Variants in FCMR observed in about 807,000 individuals in gnomAD.
The protein encoded by FCMR is immunoglobulin mu Fc receptor.
In FCMR, 34 loss-of-function variants were observed where a neutral mutation model predicts 41.6. The ratio of observed to expected loss-of-function variants is 0.82; its 90% confidence interval spans 0.62 to 1.09. The LOEUF is 1.09. Ranked by LOEUF, FCMR falls within the 50% of genes least tolerant of loss-of-function variation. The probability of loss-of-function intolerance (pLI) is 0.00; values close to 1 mark genes in which losing one functional copy is unlikely to be tolerated. For synonymous variants in FCMR, 209 were observed against 211.8 expected, an observed-to-expected ratio of 0.99 and a Z score of 0.12; for missense variants, 496 against 512.5, an observed-to-expected ratio of 0.97 and a Z score of 0.31.
chr1:206,913,137 G>A, intron 2 of FCMR, 95 bp from the exon 3 acceptor site: 1 of 902,362 alleles, frequency 1.1e-6, no homozygotes, highest in South Asian at 1.3e-5. Flanking sequence ...GGATGACAGT[G>A]AGGGGATGAG....
chr1:206,907,498 T>C (rs1420681094), intron 7 of FCMR: 2 of 420,458 alleles, frequency 4.8e-6, no homozygotes, highest in African/African-American at 2.0e-5. Context: ...TCTGAGCCTT[T>C]ATTTGGGGAG....
chr1:206,908,759 TA>T (rs374462005), intron 7 of FCMR, among the ~76,000 whole-genome samples: 1 of 152,106 alleles, frequency 6.6e-6, no homozygotes, highest in Non-Finnish European at 1.5e-5. Context: ...CACACCCTTT[TA>T]AAAAAAGCTT....
intron 1 of FCMR, among the ~76,000 whole-genome samples, chr1:206,918,469 A>G (rs935963587): frequency 2.6e-5 from 4 of 152,138 alleles, no homozygotes; most frequent in Non-Finnish European, 5.9e-5. Flanking sequence ...ACTTGCTCTG[A>G]CATCTCCACG....
chr1:206,919,950 A>C (rs2102580615), intron 1 of FCMR, among the ~76,000 whole-genome samples: 1 of 152,350 alleles, frequency 6.6e-6, no homozygotes, highest in East Asian at 1.9e-4. Flanking sequence ...CTTAACAAAT[A>C]TCTGAGTTTC....
rs764236133 is a variant in FCMR, at chr1:206,914,015, A to C, written c.117T>G (p.Leu39=). The C allele has an allele frequency of 1.9e-6, 3 of 1,614,042 alleles. No homozygotes were observed. The African/African-American group carries it at 4.0e-5, about 22-fold the overall frequency. The change falls in exon 2 of 8, where the codon CTT becomes CTG. Residue 39 remains leucine (L), a synonymous_variant. Transcript: ENST00000367091. ...LGGSVTIKCP[L]PEMHVRIYLC... ...GATATATCCTCACATGCATTTCAGG[A>C]AGTGGGCACTTGATGGTAACTGATC... is the stretch of plus-strand genomic sequence containing the variant.
intron 4 of FCMR, among the ~76,000 whole-genome samples, chr1:206,911,277 G>T (rs1678931404): frequency 6.6e-6 from 1 of 150,944 alleles, no homozygotes; most frequent in Non-Finnish European, 1.5e-5. Context: ...CTTCCCCCTA[G>T]TGGTATATTG....
chr1:206,906,586 A>G (rs530460832), intron 7 of FCMR, among the ~76,000 whole-genome samples: 35 of 152,326 alleles, frequency 2.3e-4, no homozygotes, highest in African/African-American at 2.9e-4. Flanking sequence ...ATTTGAGATT[A>G]ACTTATTTGG....
At position 206,910,327 on chromosome 1, in the gene FCMR, C is replaced by CAT; in HGVS notation, c.722_723dup (p.Gly242MetfsTer15). 1 of 1,567,334 alleles carries CAT rather than the reference C, an allele frequency of 6.4e-7. No individual in the cohort carries two copies. The highest frequency in any genetic ancestry group is 8.7e-7 in the Non-Finnish European group (1 of 1,156,044). On this transcript the variant is annotated frameshift_variant, in exon 5 of 8. Coordinates refer to ENST00000367091, the MANE Select transcript of FCMR (RefSeq NM_005449.5). LOFTEE classifies it high-confidence loss of function. The stretch of plus-strand genomic sequence containing the variant: ...TGGCCTTCCCTCCCAGACTGTGAGC[C>CAT]ATAGTCCAGTGCTCTGGGGAGGGAA...
Position 206,904,216 on chromosome 1 carries a change from T to C in FCMR, c.*803A>G, listed in dbSNP as rs1159376392. The C allele has an allele frequency of 6.6e-6, 1 of 152,198 alleles. No homozygotes were observed. Among genetic ancestry groups the C allele is most frequent in the Non-Finnish European group, 1.5e-5 (1 of 68,020 alleles). The allele number at this position is 152,198 out of a possible 1,614,324, so 9.4% of individuals were successfully genotyped here. A position where few individuals can be genotyped will look rare whatever the true frequency, so the allele number is the denominator to read the frequency against. ...TTGTGAAAACCAAGAAATGTAATGG[T>C]TTTGGATGAATAAAATAGACCAAAG... On this transcript the variant is annotated 3_prime_UTR_variant, in exon 8 of 8. Coordinates refer to ENST00000367091, the MANE Select transcript of FCMR (RefSeq NM_005449.5).
chr1:206,907,602 C>T, intron 7 of FCMR: 1 of 709,078 alleles, frequency 1.4e-6, no homozygotes, highest in South Asian at 1.4e-5. Flanking sequence ...TTTTCTTTTC[C>T]CAGGCGGCTG....
intron 1 of FCMR, among the ~76,000 whole-genome samples, chr1:206,915,074 A>G (rs1170484834): frequency 6.6e-6 from 1 of 152,238 alleles, no homozygotes; most frequent in Non-Finnish European, 1.5e-5. Flanking sequence ...AGGCGCATCC[A>G]TCTAGCCATT....
rs1678807563 is a variant in FCMR, at chr1:206,909,177, C to G, written c.1044+285G>C. ...AACTGTGGAGCTGCCACCTATCATT[C>G]TCTGCTAAGCCAGCTGCATCCAGCA... is the stretch of plus-strand genomic sequence containing the variant. On this transcript the variant is annotated intron_variant, in intron 7 of 7. Coordinates refer to ENST00000367091, the MANE Select transcript of FCMR (RefSeq NM_005449.5). This position sits in a 1 kb window ranked among gnomAD's most constrained non-coding sequence, Gnocchi z 5.0. Among the ~76,000 whole-genome samples, 1 of 152,182 alleles carries G rather than the reference C, an allele frequency of 6.6e-6. No individual in the cohort carries two copies. The highest frequency in any genetic ancestry group is 1.5e-5 in the Non-Finnish European group (1 of 68,022).
chr1:206,903,321 A>C lies in FCMR; in HGVS notation c.*1698T>G. 2.5e-6 allele frequency: 1 copy of C among 393,296 alleles called. No individual in the cohort carries two copies. The highest frequency in any genetic ancestry group is 4.7e-6 in the Non-Finnish European group (1 of 214,880). The allele number at this position is 393,296 out of a possible 1,614,324, so 24.4% of individuals were successfully genotyped here. A position where few individuals can be genotyped will look rare whatever the true frequency, so the allele number is the denominator to read the frequency against. On this transcript the variant is annotated 3_prime_UTR_variant, in exon 8 of 8. Transcript: ENST00000367091. ...TCTATTTAATTAATGTCAGTATTTC[A>C]ACTGAAGTTCTATTTATTTGTGAGA...
chr1:206,906,165 A>T (rs767425742), intron 7 of FCMR: 1 of 518,786 alleles, frequency 1.9e-6, no homozygotes, highest in Admixed American at 2.0e-5. Flanking sequence ...ATCCCAGAAC[A>T]GCTCAAGATG....
intron 1 of FCMR, chr1:206,921,379 T>G: frequency 2.2e-6 from 1 of 446,868 alleles, no homozygotes; most frequent in Non-Finnish European, 4.5e-6. Flanking sequence ...GCCAGGAGGA[T>G]CACTTAAGGC....
chr1:206,909,361 C>CGCG lies in FCMR; in HGVS notation c.1044+98_1044+100dup, dbSNP rs553939447. ...CTGCTGGGAAACCCGCTCTCCGGAT[C>CGCG]GCGGCGGCGGCGGCGCGGGAAGCCA... On this transcript the variant is annotated intron_variant, in intron 7 of 7. Transcript: ENST00000367091. The surrounding 1 kb of genome is among the most constrained non-coding windows in gnomAD (Gnocchi z 5.0). 6.0e-4 allele frequency: 356 copies of CGCG among 597,566 alleles called. 4 individuals are homozygous for CGCG. The highest frequency in any genetic ancestry group is 5.1e-3 in the African/African-American group (270 of 52,518). 37.0% of individuals were successfully genotyped at this position (597,566 alleles called of 1,614,324 possible).
At chr1:206,914,154 T>C (rs1463973966) in intron 1 of FCMR, 60 bp from the exon 2 acceptor site, 2 of 1,336,110 alleles carry the variant, frequency 1.5e-6, no homozygotes, top group Non-Finnish European at 2.1e-6. Context: ...CCCAGCCCCA[T>C]CTACTTCCCA....
rs776621652 is a variant in FCMR at position 206,910,230 on chromosome 1, C to T, written c.821G>A (p.Arg274Lys). The T allele has an allele frequency of 3.7e-6, 6 of 1,603,016 alleles. No homozygotes were observed. Among genetic ancestry groups the T allele is most frequent in the Non-Finnish European group, 5.1e-6 (6 of 1,175,656 alleles). The stretch of plus-strand genomic sequence containing the variant: ...CTCACCTTTCCTCCTTTCAACGGCC[C>T]TTTTCACCACCAGCCCCAGAAGTGC... ...LLALLGLVVK[R>K]AVERRKALSR... Residue 274 changes from arginine to lysine, a missense_variant, in exon 5 of 8, where the codon AGG (arginine) becomes AAG (lysine). By Grantham distance (26) the Arg-to-Lys change is conservative (BLOSUM62 2). Transcript: ENST00000367091.
At chr1:206,907,243 C>T (rs935342602) in intron 7 of FCMR, among the ~76,000 whole-genome samples, 2 of 152,050 alleles carry the variant, frequency 1.3e-5, no homozygotes, top group African/African-American at 2.4e-5. Flanking sequence ...AGGTTCACTA[C>T]ATGGTTAAGT....
Sources: gnomAD v4.1 joint callset for allele counts (sites outside exome capture counted in the v4.1 genomes callset) on GRCh38, gnomAD v4.1.1 for gene constraint, Gnocchi (gnomAD v3.1) non-coding constraint, MANE v1.5 for transcripts, NCBI Gene and HGNC (gene_info 2026-07-23, HGNC 2026-07-21) for gene names.